NEFH: variants seen among roughly 807,000 people sequenced by gnomAD.
NEFH encodes neurofilament heavy polypeptide.
In NEFH, 58 loss-of-function variants were observed where a neutral mutation model predicts 56.6. The observed-to-expected ratio is 1.03, with a 90% CI of 0.83 to 1.28. The LOEUF (loss-of-function observed/expected upper bound fraction) is 1.28. NEFH is among the 50% of genes most tolerant of loss of function. The pLI, the probability that NEFH is intolerant of heterozygous loss-of-function variation, is 0.00. For missense variants in NEFH, 1,221 were observed against 1,307.6 expected, an observed-to-expected ratio of 0.93 and a Z score of 1.02; for synonymous variants, 542 against 545.8, an observed-to-expected ratio of 0.99 and a Z score of 0.10.
Position 29,480,341 on chromosome 22 carries a change from G to A in NEFH, c.79G>A (p.Ala27Thr). The change falls in exon 1 of 4, where the codon GCG (alanine) becomes ACG (threonine). Residue 27 changes from alanine (A) to threonine (T), a missense_variant. Physicochemically the swap from Ala to Thr is moderately conservative, Grantham distance 58. This residue lies in a region of NEFH where 640 missense variants were observed against 555.5 expected (regional missense o/e 1.15). Coordinates refer to ENST00000310624, the MANE Select transcript of NEFH (RefSeq NM_021076.4). ...GCATGGCGGCGGCAGCCTCCACTAC[G>A]CGCTAGCCCGAAAGGGTGGCGCAGG... is the stretch of plus-strand genomic sequence containing the variant. ...PLHGGGSLHYALARKGGAGGT... is the reference protein window; with the variant it reads ...PLHGGGSLHYTLARKGGAGGT... The A allele has an allele frequency of 1.3e-6, 2 of 1,526,870 alleles. No individual in the cohort carries two copies. The highest frequency in any genetic ancestry group is 1.7e-6 in the Non-Finnish European group (2 of 1,145,136). The allele number at this position is 1,526,870 out of a possible 1,614,324, so 94.6% of individuals were successfully genotyped here.
intron 3 of NEFH, among the ~76,000 whole-genome samples, chr22:29,487,463 A>G (rs1221413260): frequency 7.9e-6 from 1 of 126,404 alleles, no homozygotes; most frequent in East Asian, 2.4e-4. Flanking sequence ...ATCTCTACAA[A>G]AAATACAAAA....
Position 29,490,233 on chromosome 22 carries a change from C to A in NEFH, c.2593C>A (p.Pro865Thr), listed in dbSNP as rs375828979. 3.7e-6 allele frequency: 6 copies of A among 1,610,658 alleles called. No individual in the cohort carries two copies. The highest frequency in any genetic ancestry group is 4.2e-6 in the Non-Finnish European group (5 of 1,178,436). Residue 865 changes from proline to threonine, a missense_variant, in exon 4 of 4, where the codon CCC becomes ACC. By Grantham distance (38) the Pro-to-Thr change is conservative. This residue lies in a region of NEFH where 301 missense variants were observed against 346.6 expected (regional missense o/e 0.87). Transcript: ENST00000310624. ...GAAGGACAGCAAGAAAGAGGAGGCA[C>A]CCAAGAAGGAGGCTCCAAAGCCCAA... ...EKKDSKKEEA[P>T]KKEAPKPKVE... is the part of the protein sequence containing the mutation.
intron 2 of NEFH, 66 bp from the exon 3 acceptor site, chr22:29,485,657 C>T (rs2063039999): frequency 6.3e-7 from 1 of 1,578,172 alleles, no homozygotes; most frequent in African/African-American, 1.3e-5. Context: ...CAGCCCGCCG[C>T]AGCTTCTCTG....
Position 29,483,518 on chromosome 22 carries a change from G to A in NEFH, c.1027G>A (p.Glu343Lys). 1 of 1,613,994 alleles carries A rather than the reference G, an allele frequency of 6.2e-7. No homozygotes were observed. The highest frequency in any genetic ancestry group is 8.5e-7 in the Non-Finnish European group (1 of 1,180,034). ...ACTGAAAAGCACCAAGGACTCACTG[G>A]AGAGGCAGCGCTCTGAGCTGGAGGA... Reference protein sequence around the residue: ...EALKSTKDSLERQRSELEDRH... With the variant: ...EALKSTKDSLKRQRSELEDRH... The change falls in exon 2 of 4, where the codon GAG becomes AAG. Residue 343 changes from glutamate to lysine, a missense_variant. Physicochemically the swap from Glu to Lys is moderately conservative, Grantham distance 56. Transcript: ENST00000310624.
In NEFH at chr22:29,481,093, G is replaced by A. The variant is rs934489863; in HGVS notation, c.831G>A (p.Gln277=). The part of the protein sequence containing the change: ...VTSALREIRA[Q]LEGHAVQSTL... ...CGGCGCTGCGCGAGATTCGCGCGCA[G>A]CTTGAAGGCCACGCGGTGCAGAGCA... The change falls in exon 1 of 4, where the codon CAG becomes CAA. Residue 277 remains glutamine (Q), a synonymous_variant. Transcript: ENST00000310624. 5.2e-6 allele frequency: 8 copies of A among 1,532,188 alleles called. No individual in the cohort carries two copies. The African/African-American group carries it at 8.2e-5, about 16-fold the overall frequency. The allele number at this position is 1,532,188 out of a possible 1,614,324, so 94.9% of individuals were successfully genotyped here. A position where few individuals can be genotyped will look rare whatever the true frequency, so the allele number is the denominator to read the frequency against.
rs1160777868 is a variant in NEFH, at chr22:29,480,985, G to A, written c.723G>A (p.Leu241=). 6.5e-7 allele frequency: 1 copy of A among 1,532,150 alleles called. No homozygotes were observed. Among genetic ancestry groups the A allele is most frequent in the Non-Finnish European group, 8.7e-7 (1 of 1,145,668 alleles). 94.9% of individuals were successfully genotyped at this position (1,532,150 alleles called of 1,614,324 possible). A position where few individuals can be genotyped will look rare whatever the true frequency, so the allele number is the denominator to read the frequency against. ...ACCACCAGGAAGAGGTGGGCGAGCT[G>A]CTCGGCCAGATCCAGGGCTCCGGCG... ...RRHHQEEVGE[L]LGQIQGSGAA... The change falls in exon 1 of 4, where the codon CTG becomes CTA. Residue 241 remains leucine (L), a synonymous_variant. Transcript: ENST00000310624.
intron 3 of NEFH, among the ~76,000 whole-genome samples, chr22:29,486,771 C>T (rs551722146): frequency 2.3e-4 from 35 of 152,288 alleles, no homozygotes; most frequent in Middle Eastern, 6.8e-3. Flanking sequence ...GATCCGCCTA[C>T]CTCGGCCTCC....
chr22:29,485,703 G>A lies in NEFH; in HGVS notation c.1084-20G>A. ...CCAGACACTGGCTGGCATGTGATGT[G>A]TGTCACCTCTCCTTCCCAGGAAGCC... On this transcript the variant is annotated intron_variant, in intron 2 of 3. Transcript: ENST00000310624. 6.2e-7 allele frequency: 1 copy of A among 1,612,034 alleles called. No homozygotes were observed. Among genetic ancestry groups the A allele is most frequent in the Non-Finnish European group, 8.5e-7 (1 of 1,179,096 alleles).
chr22:29,481,252 C>T, intron 1 of NEFH, 107 bp downstream of exon 1: 3 of 1,112,872 alleles, frequency 2.7e-6, no homozygotes, highest in East Asian at 2.6e-5. Flanking sequence ...TGGAGTGGCG[C>T]GCTGCTCACC....
chr22:29,486,763 TC>T (rs1302281929), intron 3 of NEFH, among the ~76,000 whole-genome samples: 1 of 152,126 alleles, frequency 6.6e-6, no homozygotes, highest in Non-Finnish European at 1.5e-5. Flanking sequence ...CCTCAGGTGA[TC>T]CGCCTACCTC....
intron 2 of NEFH, among the ~76,000 whole-genome samples, chr22:29,483,867 T>TTTA (rs1376597540): frequency 9.1e-6 from 1 of 109,738 alleles, no homozygotes; most frequent in East Asian, 2.2e-4. Context: ...TTATTTATTT[T>TTTA]GAGATGGAGT....
chr22:29,483,768 GAAA>G (rs361680), intron 2 of NEFH, among the ~76,000 whole-genome samples, 194 bp downstream of exon 2: 50 of 56,678 alleles, frequency 8.8e-4, no homozygotes, highest in African/African-American at 1.5e-3. Context: ...TTCCAGCCAT[GAAA>G]AAAAAAAAAA....
In NEFH at chr22:29,481,047, C is replaced by T. The variant is rs1301759355; in HGVS notation, c.785C>T (p.Ala262Val). Residue 262 changes from alanine (A) to valine (V), a missense_variant, in exon 1 of 4, where the codon GCC becomes GTC. By Grantham distance (64) the Ala-to-Val change is moderately conservative. Coordinates refer to ENST00000310624, the MANE Select transcript of NEFH (RefSeq NM_021076.4). ...CAGATGCAGGCCGAGACGCGCGACGCCCTGAAGTGCGACGTGACGTCGGCG... is the reference window on the plus strand; with the variant it reads ...CAGATGCAGGCCGAGACGCGCGACGTCCTGAAGTGCGACGTGACGTCGGCG... The part of the protein sequence containing the change: ...QAQMQAETRD[A>V]LKCDVTSALR... 2.0e-6 allele frequency: 3 copies of T among 1,531,856 alleles called. No individual in the cohort carries two copies. Among genetic ancestry groups the T allele is most frequent in the South Asian group, 2.4e-5 (2 of 83,894 alleles). 94.9% of individuals were successfully genotyped at this position (1,531,856 alleles called of 1,614,324 possible).
rs1257571189 is a variant in NEFH, at chr22:29,491,048, A to G, written c.*345A>G. ...TTTATTGCCTCTATGTGCAACTGAC[A>G]GATGACCGCAATAATGAATGAGCAG... On this transcript the variant is annotated 3_prime_UTR_variant, in exon 4 of 4. Transcript: ENST00000310624. 2.7e-5 allele frequency: 11 copies of G among 403,518 alleles called. No homozygotes were observed. The Admixed American group carries it at 3.3e-4, about 12-fold the overall frequency. The allele number at this position is 403,518 out of a possible 1,614,324, so 25.0% of individuals were successfully genotyped here. A position where few individuals can be genotyped will look rare whatever the true frequency, so the allele number is the denominator to read the frequency against.
chr22:29,489,233 G>C lies in NEFH; in HGVS notation c.1593G>C (p.Lys531Asn). The part of the protein sequence containing the change: ...KEEAKSPAEA[K>N]SPEKEEAKSP... ...AGGCAAAGTCACCGGCTGAGGCCAA[G>C]TCCCCAGAGAAGGAGGAAGCAAAAT... Residue 531 changes from lysine to asparagine, a missense_variant, in exon 4 of 4, where the codon AAG (lysine) becomes AAC (asparagine). By Grantham distance (94) the Lys-to-Asn change is moderately conservative. This residue lies in a region of NEFH where 243 missense variants were observed against 299.1 expected (regional missense o/e 0.81). Coordinates refer to ENST00000310624, the MANE Select transcript of NEFH (RefSeq NM_021076.4). The C allele has an allele frequency of 6.2e-7, 1 of 1,614,164 alleles. No individual in the cohort carries two copies. Among genetic ancestry groups the C allele is most frequent in the Non-Finnish European group, 8.5e-7 (1 of 1,180,018 alleles).
chr22:29,488,229 TGGC>T (rs1392436047), intron 3 of NEFH, among the ~76,000 whole-genome samples: 3 of 152,106 alleles, frequency 2.0e-5, no homozygotes, highest in African/African-American at 7.2e-5. Context: ...CTGGACGTGG[TGGC>T]GTGCGCCTGT....
intron 3 of NEFH, among the ~76,000 whole-genome samples, chr22:29,486,374 A>C (rs1261971261): frequency 1.3e-5 from 2 of 151,940 alleles, no homozygotes; most frequent in Non-Finnish European, 2.9e-5. Flanking sequence ...GTACTTTCAC[A>C]TTACTGTGCA....
At chr22:29,483,866 T>TA (rs201344309) in intron 2 of NEFH, among the ~76,000 whole-genome samples, 3 of 143,836 alleles carry the variant, frequency 2.1e-5, no homozygotes, top group East Asian at 2.1e-4. Flanking sequence ...TTTATTTATT[T>TA]TGAGATGGAG....
chr22:29,483,556 C>T lies in NEFH; in HGVS notation c.1065C>T (p.Ala355=), dbSNP rs144040465. 3.0e-5 allele frequency: 48 copies of T among 1,613,600 alleles called. No homozygotes were observed. Among genetic ancestry groups the T allele is most frequent in the African/African-American group, 6.7e-5 (5 of 74,932 alleles). ...CTGAGCTGGAGGACCGTCATCAGGCCGACATTGCCTCCTACCAGGTGGGCA... is the reference window on the plus strand; with the variant it reads ...CTGAGCTGGAGGACCGTCATCAGGCTGACATTGCCTCCTACCAGGTGGGCA... The part of the protein sequence containing the change: ...QRSELEDRHQ[A]DIASYQEAIQ... Residue 355 remains alanine, a synonymous_variant, in exon 2 of 4, where the codon GCC becomes GCT. Transcript: ENST00000310624.
Sources: allele counts gnomAD v4.1 joint callset (sites outside exome capture counted in the v4.1 genomes callset), GRCh38; gene constraint gnomAD v4.1.1; regional missense constraint gnomAD v4.1.1; transcripts MANE v1.5; gene names NCBI Gene and HGNC (gene_info 2026-07-23, HGNC 2026-07-21).